The following C2CD3 variants were observed in gnomAD, a reference collection of about 807,000 sequenced individuals.
C2CD3 encodes the protein C2 domain-containing protein 3.
A neutral mutation model predicts 234.0 loss-of-function variants in C2CD3; 148 were observed. The ratio of observed to expected loss-of-function variants is 0.63; its 90% CI spans 0.55 to 0.72. The LOEUF (loss-of-function observed/expected upper bound fraction) is 0.72. Among genes scored for constraint, C2CD3 ranks in the 30% least tolerant of loss-of-function variants. The probability of loss-of-function intolerance (pLI) is 0.00; values close to 1 mark genes in which losing one functional copy is unlikely to be tolerated. For missense variants in C2CD3, 2,577 were observed against 2,811.5 expected, an observed-to-expected ratio of 0.92 and a Z score of 1.89; for synonymous variants, 1,000 against 1,035.4, an observed-to-expected ratio of 0.97 and a Z score of 0.66.
intron 32 of C2CD3, among the ~76,000 whole-genome samples, chr11:74,017,513 T>A (rs539433291): frequency 2.6e-5 from 4 of 151,962 alleles, no homozygotes; most frequent in African/African-American, 4.8e-5. Flanking sequence ...ACGTGGAAGG[T>A]GTAAGGAGTG....
chr11:74,162,461 T>C (rs996513490), intron 2 of C2CD3, among the ~76,000 whole-genome samples: 1 of 152,120 alleles, frequency 6.6e-6, no homozygotes, highest in East Asian at 1.9e-4. Context: ...TATTTCCTAA[T>C]GAAAAAAGTG....
chr11:74,025,754 T>C (rs2135406126), intron 32 of C2CD3, among the ~76,000 whole-genome samples: 1 of 152,276 alleles, frequency 6.6e-6, no homozygotes, highest in South Asian at 2.1e-4. Context: ...GCCTGCTTTT[T>C]TCCTCTAGGG....
chr11:74,140,936 A>G (rs1958029870), intron 3 of C2CD3, among the ~76,000 whole-genome samples: 1 of 152,204 alleles, frequency 6.6e-6, no homozygotes, highest in East Asian at 1.9e-4. Flanking sequence ...TGAAAATCCC[A>G]ATGGAGAAAC....
intron 3 of C2CD3, among the ~76,000 whole-genome samples, chr11:74,143,488 G>A (rs976091483): frequency 3.3e-5 from 5 of 150,208 alleles, no homozygotes; most frequent in African/African-American, 7.3e-5. Context: ...AAGTAGCTGG[G>A]ATTACTGGTG....
At chr11:74,056,851 C>CT (rs1008194273) in intron 25 of C2CD3, among the ~76,000 whole-genome samples, 4 of 151,126 alleles carry the variant, frequency 2.6e-5, no homozygotes, top group Non-Finnish European at 5.9e-5. Flanking sequence ...CCTAAATAAT[C>CT]TTTTTTTCTG....
rs186444667 is a variant in C2CD3, at chr11:74,170,716, A to C, written c.55+22T>G. The C allele has an allele frequency of 4.3e-3, 6,921 of 1,613,870 alleles. 84 individuals are homozygous for C. Among genetic ancestry groups the C allele is most frequent in the Middle Eastern group, 0.032 (195 of 6,062 alleles). On this transcript the variant is annotated intron_variant, in intron 1 of 32. Transcript: ENST00000334126. ...CCTGCTCTCCTATTACGCTTTCCTC[A>C]ATCTTTGATCGCTCAGGTTACCTCT...
rs750309522 is a variant in C2CD3 at position 74,085,689 on chromosome 11, G to T, written c.3839C>A (p.Ala1280Asp). ...CTCCAACAACTCTGCTAGGAAACAG[G>T]CCTCTCCACTACAGTGCTGAGTCAC... ...NLVTQHCSGE[A>D]CFLAELLEFA... The change falls in exon 21 of 33, where the codon GCC (alanine) becomes GAC (aspartate). Residue 1280 changes from alanine to aspartate, a missense_variant. Transcript: ENST00000334126. The T allele has an allele frequency of 4.0e-5, 64 of 1,613,954 alleles. No homozygotes were observed. The highest frequency in any genetic ancestry group is 5.3e-5 in the Non-Finnish European group (63 of 1,180,020).
chr11:74,112,841 T>C (rs560885536), intron 11 of C2CD3, among the ~76,000 whole-genome samples: 22 of 152,354 alleles, frequency 1.4e-4, no homozygotes, highest in Non-Finnish European at 3.1e-4. Context: ...CTTCATATAC[T>C]GCTAGTGGGA....
chr11:74,154,936 T>C lies in C2CD3; in HGVS notation c.483+6463A>G, dbSNP rs56711497. 3.3e-3 allele frequency among the ~76,000 whole-genome samples: 509 copies of C among 152,330 alleles called. 1 individual carries two copies. Among genetic ancestry groups the C allele is most frequent in the African/African-American group, 0.012 (481 of 41,590 alleles). ...TGGCAAAAATTTAAAAGAGTGACCA[T>C]AGCAAGAGCTGGTGAAGCATAAACA... is the stretch of plus-strand genomic sequence containing the variant. On this transcript the variant is annotated intron_variant, in intron 3 of 32. Transcript: ENST00000334126.
chr11:74,136,643 T>C (rs142969134), intron 5 of C2CD3, among the ~76,000 whole-genome samples: 363 of 152,318 alleles, frequency 2.4e-3, no homozygotes, highest in African/African-American at 8.4e-3. Context: ...GCATAGTAGC[T>C]AGCACATAAT....
chr11:74,161,931 C>A lies in C2CD3; in HGVS notation c.326-375G>T, dbSNP rs924409592. ...CCAGGACTCAAGTGATTCTCCCATC[C>A]TAGCCTCACAAGTAGCTGAGACTAG... On this transcript the variant is annotated intron_variant, in intron 2 of 32. Coordinates refer to ENST00000334126, the MANE Select transcript of C2CD3 (RefSeq NM_001286577.2). Among the ~76,000 whole-genome samples, 5 of 151,484 alleles carry A rather than the reference C, an allele frequency of 3.3e-5. No homozygotes were observed. The South Asian group carries it at 6.3e-4, about 19-fold the overall frequency.
At chr11:74,110,032 G>C (rs761370735) in intron 11 of C2CD3, among the ~76,000 whole-genome samples, 1 of 146,094 alleles carries the variant, frequency 6.8e-6, no homozygotes, top group Non-Finnish European at 1.5e-5. Flanking sequence ...AGTGAGCCTA[G>C]AGCACACCAC....
At chr11:74,150,064 G>A (rs1421466368) in intron 3 of C2CD3, among the ~76,000 whole-genome samples, 2 of 151,098 alleles carry the variant, frequency 1.3e-5, no homozygotes. Flanking sequence ...TCTTGTTTTT[G>A]TTTTCAGTGC....
rs994998080 is a variant in C2CD3, at chr11:74,020,181, A to G, written c.6922-6656T>C. On this transcript the variant is annotated intron_variant, in intron 32 of 32. Coordinates refer to ENST00000334126, the MANE Select transcript of C2CD3 (RefSeq NM_001286577.2). ...CACAGAGCAAGACAAGGCTCACCTC[A>G]TGGTAAAGAAGTGCCATGTGGACAG... Among the ~76,000 whole-genome samples, 7 of 152,226 alleles carry G rather than the reference A, an allele frequency of 4.6e-5. No homozygotes were observed. In the South Asian group the frequency reaches 8.3e-4, roughly 18 times the overall value.
rs916768790 is a variant in C2CD3, at chr11:74,139,912, T to C, written c.484-84A>G. On this transcript the variant is annotated intron_variant, in intron 3 of 32. Coordinates refer to ENST00000334126, the MANE Select transcript of C2CD3 (RefSeq NM_001286577.2). Reference sequence around the variant, plus strand: ...GACTCCCCTGCTTAATATTAATTAATGTCCCCCATTCCCTACAGGATTGTA... The same window carrying C: ...GACTCCCCTGCTTAATATTAATTAACGTCCCCCATTCCCTACAGGATTGTA... The C allele has an allele frequency of 5.5e-6, 4 of 729,768 alleles. No homozygotes were observed. The South Asian group carries it at 6.1e-5, about 11-fold the overall frequency. 45.2% of individuals were successfully genotyped at this position (729,768 alleles called of 1,614,324 possible). A position where few individuals can be genotyped will look rare whatever the true frequency, so the allele number is the denominator to read the frequency against.
At position 74,098,022 on chromosome 11, in the gene C2CD3, G is replaced by T. The variant is rs1324029319; in HGVS notation, c.2966C>A (p.Ala989Glu). The change falls in exon 16 of 33, where the codon GCA becomes GAA. Residue 989 changes from alanine to glutamate, a missense_variant. Ala to Glu is a moderately radical substitution (Grantham distance 107). Coordinates refer to ENST00000334126, the MANE Select transcript of C2CD3 (RefSeq NM_001286577.2). ...PAHFLDQPTA[A>E]SVAMAEDRGN... is the part of the protein sequence containing the mutation. The stretch of plus-strand genomic sequence containing the variant: ...AGCGTTTATTACCATAGCAACAGAT[G>T]CTGCAGTTGGCTGGTCCAGGAAATG... 1 of 1,613,940 alleles carries T rather than the reference G, an allele frequency of 6.2e-7. No individual in the cohort carries two copies. Among genetic ancestry groups the T allele is most frequent in the African/African-American group, 1.3e-5 (1 of 75,036 alleles).
chr11:74,166,415 G>A (rs924940412), intron 2 of C2CD3, among the ~76,000 whole-genome samples: 1 of 151,570 alleles, frequency 6.6e-6, no homozygotes, highest in Non-Finnish European at 1.5e-5. Context: ...CTTTTCCATG[G>A]CCTTCTTTCT....
chr11:74,057,668 C>T (rs1256614437), intron 24 of C2CD3, 124 bp from the exon 25 acceptor site: 2 of 991,466 alleles, frequency 2.0e-6, no homozygotes, highest in African/African-American at 1.6e-5. Flanking sequence ...AAGCTATCCC[C>T]CTGTGTCTGA....
intron 2 of C2CD3, chr11:74,164,379 G>T (rs762666847): frequency 4.2e-6 from 1 of 238,458 alleles, no homozygotes; most frequent in Non-Finnish European, 6.8e-6. Flanking sequence ...GAAGAAAGAT[G>T]TAAGAGTATG....
Sources: allele counts gnomAD v4.1 joint callset (sites outside exome capture counted in the v4.1 genomes callset), GRCh38; gene constraint gnomAD v4.1.1; transcripts MANE v1.5; gene names NCBI Gene and HGNC (gene_info 2026-07-23, HGNC 2026-07-21).